ABCA5: variants seen among roughly 807,000 people sequenced by gnomAD.
The protein encoded by ABCA5 is cholesterol transporter ABCA5.
ABCA5 carries 163 observed loss-of-function variants against 206.0 expected under a neutral mutation model. The observed-to-expected ratio is 0.79, with a 90% CI of 0.70 to 0.90. The LOEUF (loss-of-function observed/expected upper bound fraction) is 0.90. ABCA5 is among the 40% of genes least tolerant of loss of function. The probability of loss-of-function intolerance (pLI) is 0.00; values close to 1 mark genes in which losing one functional copy is unlikely to be tolerated. For missense variants in ABCA5, 1,859 were observed against 1,912.9 expected (o/e 0.97, Z 0.53); for synonymous variants, 609 against 613.8 (o/e 0.99, Z 0.11).
intron 6 of ABCA5, 53 bp from the exon 7 acceptor site, chr17:69,304,863 TA>T: frequency 7.2e-7 from 1 of 1,392,936 alleles, no homozygotes; most frequent in Non-Finnish European, 9.4e-7. Context: ...CTTAACCAGT[TA>T]AAAAATCATT....
At chr17:69,305,892 A>T (rs907427235) in intron 6 of ABCA5, among the ~76,000 whole-genome samples, 2 of 152,118 alleles carry the variant, frequency 1.3e-5, no homozygotes, top group Non-Finnish European at 2.9e-5. Flanking sequence ...CAAAACCAAT[A>T]ATTTCTAAAA....
At chr17:69,254,275 C>A in intron 32 of ABCA5, 40 bp downstream of exon 32, 1 of 1,507,694 alleles carries the variant, frequency 6.6e-7, no homozygotes, top group Non-Finnish European at 9.0e-7. Flanking sequence ...GCAAACCTTT[C>A]CTCTAAGTAA....
At chr17:69,316,810 T>C (rs2075821059) in intron 1 of ABCA5, 1 of 152,100 alleles carries the variant, frequency 6.6e-6, no homozygotes, top group Non-Finnish European at 1.5e-5. Context: ...GAGTAACAAT[T>C]TGAATGAGAG....
At chr17:69,300,996 T>C (rs1005918066) in intron 9 of ABCA5, 143 bp downstream of exon 9, 3 of 654,714 alleles carry the variant, frequency 4.6e-6, no homozygotes, top group African/African-American at 1.9e-5. Context: ...AATATACTTA[T>C]TTAAAGTCAA....
intron 13 of ABCA5, 55 bp from the exon 14 acceptor site, chr17:69,289,351 TTATCAA>T: frequency 3.1e-6 from 4 of 1,292,148 alleles, no homozygotes; most frequent in Non-Finnish European, 4.1e-6. Flanking sequence ...ATTTATATAA[TTATCAA>T]TATTACTTTT....
intron 22 of ABCA5, among the ~76,000 whole-genome samples, chr17:69,269,278 A>G (rs1468752203): frequency 1.3e-5 from 2 of 152,210 alleles, no homozygotes; most frequent in Non-Finnish European, 2.9e-5. Context: ...AGAGAAGGAA[A>G]CAAGATTGGA....
chr17:69,294,862 A>G (rs1245057947), intron 10 of ABCA5, 149 bp from the exon 11 acceptor site: 1 of 524,056 alleles, frequency 1.9e-6, no homozygotes, highest in Non-Finnish European at 3.2e-6. Context: ...CAATGAACCA[A>G]ATAATGTTGA....
Position 69,301,565 on chromosome 17 carries a change from G to A in ABCA5, c.1120-279C>T, listed in dbSNP as rs559573255. On this transcript the variant is annotated intron_variant, in intron 8 of 38. Transcript: ENST00000392676. ...CACTCTAGGGGCATTTAATTCCAAT[G>A]TAATTACTAACAAATGAAATAAAAA... is the stretch of plus-strand genomic sequence containing the variant. 3.3e-5 allele frequency among the ~76,000 whole-genome samples: 5 copies of A among 152,084 alleles called. No homozygotes were observed. In the East Asian group the frequency reaches 5.8e-4, roughly 18 times the overall value.
chr17:69,268,552 C>T lies in ABCA5; in HGVS notation c.3031-496G>A, dbSNP rs184753043. ...GAAGAGGAATTAACTCCCACAGGCC[C>T]CAATGTCGTTAGCTTCCCCAGGGAT... is the stretch of plus-strand genomic sequence containing the variant. On this transcript the variant is annotated intron_variant, in intron 22 of 38. Transcript: ENST00000392676. Among the ~76,000 whole-genome samples, 968 of 151,986 alleles carry T rather than the reference C, an allele frequency of 6.4e-3. 4 individuals are homozygous for T. Among genetic ancestry groups the T allele is most frequent in the Non-Finnish European group, 9.4e-3 (639 of 67,990 alleles).
At chr17:69,289,799 G>A in intron 13 of ABCA5, 63 bp downstream of exon 13, 1 of 1,286,344 alleles carries the variant, frequency 7.8e-7, no homozygotes, top group Non-Finnish European at 1.1e-6. Context: ...TATTGCACAA[G>A]TCATTACAAA....
At chr17:69,284,169 A>C (rs564426) in intron 17 of ABCA5, 97 bp from the exon 18 acceptor site, 1,006,293 of 1,012,602 alleles carry the variant, frequency 0.99, 500,298 homozygotes, top group East Asian at 1. Flanking sequence ...ACAGCCTGTG[A>C]AACATATCAT....
chr17:69,264,933 T>C, intron 23 of ABCA5, 28 bp from the exon 24 acceptor site: 1 of 1,413,032 alleles, frequency 7.1e-7, no homozygotes, highest in Non-Finnish European at 9.4e-7. Flanking sequence ...CAATTTATTA[T>C]AATTTTAGAC....
intron 10 of ABCA5, among the ~76,000 whole-genome samples, chr17:69,296,619 TTAATTGTATAAACA>T: frequency 6.6e-6 from 1 of 152,218 alleles, no homozygotes; most frequent in South Asian, 2.1e-4. Flanking sequence ...GCTTTAAACA[TTAATTGTATAAACA>T]TCAGGTTTTA....
Position 69,266,596 on chromosome 17 carries a change from A to C in ABCA5, c.3144+1347T>G, listed in dbSNP as rs893963407. Among the ~76,000 whole-genome samples, 6 of 147,414 alleles carry C rather than the reference A, an allele frequency of 4.1e-5. No individual in the cohort carries two copies. The East Asian group carries it at 9.7e-4, about 24-fold the overall frequency. On this transcript the variant is annotated intron_variant, in intron 23 of 38. Transcript: ENST00000392676. Reference sequence around the variant, plus strand: ...AATATATATATATATAAATAAAAAAATTAAAAAATAAATAAATAAAAATAA... The same window carrying C: ...AATATATATATATATAAATAAAAAACTTAAAAAATAAATAAATAAAAATAA...
At position 69,314,323 on chromosome 17, in the gene ABCA5, A is replaced by G; in HGVS notation, c.93T>C (p.Ser31=). The change falls in exon 2 of 39, where the codon AGT becomes AGC. Residue 31 remains serine, a synonymous_variant. Coordinates refer to ENST00000392676, the MANE Select transcript of ABCA5 (RefSeq NM_172232.4). ...NYLIKCRTKK[S]SVQEILFPLF... ...GAGTTATTTAACTTACCTGAACACT[A>G]CTCTTTTTGGTTCTGCATTTAATTA... The G allele has an allele frequency of 6.2e-7, 1 of 1,610,336 alleles. No homozygotes were observed. Among genetic ancestry groups the G allele is most frequent in the Non-Finnish European group, 8.5e-7 (1 of 1,176,964 alleles).
chr17:69,281,133 T>G (rs1489039537), intron 18 of ABCA5, among the ~76,000 whole-genome samples: 2 of 151,828 alleles, frequency 1.3e-5, no homozygotes, highest in Non-Finnish European at 2.9e-5. Flanking sequence ...ACTACACAAT[T>G]GAGGTTTATT....
At chr17:69,269,025 T>C (rs960219694) in intron 22 of ABCA5, among the ~76,000 whole-genome samples, 1 of 152,186 alleles carries the variant, frequency 6.6e-6, no homozygotes, top group South Asian at 2.1e-4. Context: ...GATCCAATCA[T>C]ACAGAATCTA....
At chr17:69,303,797 T>TACACACAC (rs1230567380) in intron 7 of ABCA5, among the ~76,000 whole-genome samples, 3 of 6,532 alleles carry the variant, frequency 4.6e-4, no homozygotes. Context: ...TATATATATA[T>TACACACAC]ATATATATAT....
intron 35 of ABCA5, 121 bp from the exon 36 acceptor site, chr17:69,250,742 A>G (rs745486076): frequency 9.4e-6 from 6 of 635,920 alleles, no homozygotes; most frequent in Non-Finnish European, 1.5e-5. Context: ...AATTACAAAG[A>G]AAATACAGCA....
Sources: allele counts gnomAD v4.1 joint callset (sites outside exome capture counted in the v4.1 genomes callset), GRCh38; gene constraint gnomAD v4.1.1; transcripts MANE v1.5; gene names NCBI Gene and HGNC (gene_info 2026-07-23, HGNC 2026-07-21).